ZNF474: variants seen among roughly 807,000 people sequenced by gnomAD.
ZNF474 encodes the protein 4933409D10Rik.
For synonymous variants in ZNF474, 192 were observed against 162.2 expected, an observed-to-expected ratio of 1.18 and a Z score of -1.39; for missense variants, 511 against 433.8, an observed-to-expected ratio of 1.18 and a Z score of -1.58.
intron 1 of ZNF474, among the ~76,000 whole-genome samples, chr5:122,147,519 C>A (rs1156977624): frequency 6.6e-6 from 1 of 151,192 alleles, no homozygotes; most frequent in Non-Finnish European, 1.5e-5. Flanking sequence ...TGCTATCCCT[C>A]CCCCATCCCC....
chr5:122,144,658 T>C (rs927806268), intron 1 of ZNF474, among the ~76,000 whole-genome samples: 1 of 152,198 alleles, frequency 6.6e-6, no homozygotes, highest in African/African-American at 2.4e-5. Context: ...AAAAGACATA[T>C]TGGTATAGAG....
In ZNF474 at chr5:122,152,066, C is replaced by T. The variant is rs1228133450; in HGVS notation, c.76C>T (p.Leu26Phe). Residue 26 changes from leucine to phenylalanine, a missense_variant, in exon 2 of 2, where the codon CTT becomes TTT. Leu to Phe is a conservative substitution (Grantham distance 22, BLOSUM62 0). Transcript: ENST00000296600. ...TCACCATTCTAAAGAACCCACTTTC[C>T]TTATCAACCAAGCTGGGCTTCTCTC... Reference protein sequence around the residue: ...TFHHSKEPTFLINQAGLLSSD... With the variant: ...TFHHSKEPTFFINQAGLLSSD... 3 of 1,614,024 alleles carry T rather than the reference C, an allele frequency of 1.9e-6. No homozygotes were observed. The highest frequency in any genetic ancestry group is 2.7e-5 in the African/African-American group (2 of 74,912).
intron 1 of ZNF474, among the ~76,000 whole-genome samples, chr5:122,131,962 A>C (rs1755588637): frequency 2.0e-5 from 3 of 152,220 alleles, no homozygotes; most frequent in African/African-American, 7.2e-5. Context: ...ACGTAAATAT[A>C]AGAAAACGTC....
At chr5:122,134,996 A>T (rs543127345) in intron 1 of ZNF474, among the ~76,000 whole-genome samples, 1 of 152,348 alleles carries the variant, frequency 6.6e-6, no homozygotes. Context: ...AAATGGACAA[A>T]TGGGATCACA....
intron 1 of ZNF474, among the ~76,000 whole-genome samples, chr5:122,146,392 T>TA (rs1439776864): frequency 6.6e-6 from 1 of 152,106 alleles, no homozygotes; most frequent in Non-Finnish European, 1.5e-5. Context: ...AAAGAATCTC[T>TA]AAAAAAGGAA....
At chr5:122,147,129 G>A (rs1295404828) in intron 1 of ZNF474, among the ~76,000 whole-genome samples, 1 of 152,198 alleles carries the variant, frequency 6.6e-6, no homozygotes, top group Admixed American at 6.5e-5. Context: ...TTGAAAGCAA[G>A]ATTTCATAGG....
chr5:122,146,894 T>C (rs1756004527), intron 1 of ZNF474, among the ~76,000 whole-genome samples: 1 of 152,184 alleles, frequency 6.6e-6, no homozygotes, highest in Non-Finnish European at 1.5e-5. Flanking sequence ...GAAGCAATTG[T>C]TCTCTTCTTC....
At chr5:122,149,940 AGG>A (rs1319669267) in intron 1 of ZNF474, among the ~76,000 whole-genome samples, 5 of 149,184 alleles carry the variant, frequency 3.4e-5, no homozygotes, top group African/African-American at 1.3e-4. Flanking sequence ...AGAGAGAGAG[AGG>A]GAGGGAGAAA....
chr5:122,136,646 T>C (rs191445289), intron 1 of ZNF474, among the ~76,000 whole-genome samples: 3 of 152,222 alleles, frequency 2.0e-5, no homozygotes, highest in South Asian at 2.1e-4. Context: ...AGTATAGTTA[T>C]GCTTTTAAAG....
intron 1 of ZNF474, among the ~76,000 whole-genome samples, chr5:122,142,785 G>C (rs142242803): frequency 6.6e-6 from 1 of 152,120 alleles, no homozygotes; most frequent in African/African-American, 2.4e-5. Context: ...TGAGAGATGT[G>C]GGGAGAACAG....
chr5:122,148,751 T>C (rs1256600121), intron 1 of ZNF474, among the ~76,000 whole-genome samples: 2 of 152,140 alleles, frequency 1.3e-5, no homozygotes, highest in Non-Finnish European at 2.9e-5. Context: ...TTTTTTTTCT[T>C]TTGAGATGGA....
chr5:122,147,433 G>A (rs926731375), intron 1 of ZNF474, among the ~76,000 whole-genome samples: 6 of 152,038 alleles, frequency 3.9e-5, no homozygotes, highest in African/African-American at 1.2e-4. Context: ...GTGCAGTTTC[G>A]ATACATAGGT....
At chr5:122,150,771 G>T (rs1417835063) in intron 1 of ZNF474, among the ~76,000 whole-genome samples, 1 of 152,072 alleles carries the variant, frequency 6.6e-6, no homozygotes, top group African/African-American at 2.4e-5. Flanking sequence ...ACTTCTTCTG[G>T]TGGGGATCCT....
Position 122,152,081 on chromosome 5 carries a change from G to C in ZNF474, c.91G>C (p.Gly31Arg). ...KEPTFLINQA[G>R]LLSSDSYSSL... is the part of the protein sequence containing the mutation. ...ACCCACTTTCCTTATCAACCAAGCT[G>C]GGCTTCTCTCTAGTGACTCCTATTC... is the stretch of plus-strand genomic sequence containing the variant. Residue 31 changes from glycine (G) to arginine (R), a missense_variant, in exon 2 of 2, where the codon GGG (glycine) becomes CGG (arginine). Gly to Arg is a moderately radical substitution (Grantham distance 125, BLOSUM62 -2). Coordinates refer to ENST00000296600, the MANE Select transcript of ZNF474 (RefSeq NM_207317.3). 6.2e-7 allele frequency: 1 copy of C among 1,614,146 alleles called. No homozygotes were observed.
At position 122,151,916 on chromosome 5, in the gene ZNF474, C is replaced by A; in HGVS notation, c.-75C>A. ...CCCCAGGACAACTAACCTCACTAAC[C>A]TTCACTCTAAGCAGAAGCCCAAAGT... On this transcript the variant is annotated 5_prime_UTR_variant, in exon 2 of 2. Transcript: ENST00000296600. The A allele has an allele frequency of 6.6e-7, 1 of 1,521,992 alleles. No individual in the cohort carries two copies. The allele number at this position is 1,521,992 out of a possible 1,614,324, so 94.3% of individuals were successfully genotyped here.
In ZNF474 at chr5:122,153,254, G is replaced by A. The variant is rs1028067506; in HGVS notation, c.*169G>A. On this transcript the variant is annotated 3_prime_UTR_variant, in exon 2 of 2. Transcript: ENST00000296600. ...GATATAAGAACATCCTTGCCTGATG[G>A]GTTCATATTCCTCTTCAATTCTGCT... The A allele has an allele frequency of 5.4e-5, 40 of 746,954 alleles. No individual in the cohort carries two copies. In the African/African-American group the frequency reaches 6.9e-4, roughly 13 times the overall value. 46.3% of individuals were successfully genotyped at this position (746,954 alleles called of 1,614,324 possible).
chr5:122,143,469 A>G (rs533945290), intron 1 of ZNF474, among the ~76,000 whole-genome samples: 2 of 152,328 alleles, frequency 1.3e-5, no homozygotes, highest in Admixed American at 1.3e-4. Flanking sequence ...ATACTAAAAT[A>G]TGGTTATCTG....
At chr5:122,134,833 C>T (rs530295873) in intron 1 of ZNF474, among the ~76,000 whole-genome samples, 2 of 152,004 alleles carry the variant, frequency 1.3e-5, no homozygotes, top group Non-Finnish European at 2.9e-5. Flanking sequence ...TATCTCTCTC[C>T]ATAGAAAAAA....
chr5:122,144,426 T>C (rs938483628), intron 1 of ZNF474, among the ~76,000 whole-genome samples: 1 of 152,202 alleles, frequency 6.6e-6, no homozygotes, highest in South Asian at 2.1e-4. Flanking sequence ...GCACAGCTGT[T>C]ACTCAGCATC....
Sources: gnomAD v4.1 joint callset for allele counts (sites outside exome capture counted in the v4.1 genomes callset) on GRCh38, gnomAD v4.1.1 for gene constraint, MANE v1.5 for transcripts, NCBI Gene and HGNC (gene_info 2026-07-23, HGNC 2026-07-21) for gene names.